Variants in CUEDC1 observed in about 807,000 individuals in gnomAD.
The protein encoded by CUEDC1 is CUE domain containing 1.
CUEDC1 carries 30 observed loss-of-function variants against 43.7 expected under a neutral mutation model. The observed-to-expected ratio is 0.69, with a 90% CI of 0.51 to 0.93. The LOEUF is 0.93. Among genes scored for constraint, CUEDC1 ranks in the 40% least tolerant of loss-of-function variants. The pLI is 0.00. For synonymous variants in CUEDC1, 223 were observed against 223.6 expected (o/e 1.00, Z 0.02); for missense variants, 486 against 549.0 (o/e 0.89, Z 1.15).
intron 1 of CUEDC1, among the ~76,000 whole-genome samples, chr17:57,901,396 G>A (rs2074470524): frequency 6.6e-6 from 1 of 152,170 alleles, no homozygotes; most frequent in Non-Finnish European, 1.5e-5. Context: ...GTTGATTTAA[G>A]GAAACCTGAA....
In CUEDC1 at chr17:57,915,834, C is replaced by A. The variant is rs1291303579; in HGVS notation, c.-315-29955G>T. On this transcript the variant is annotated intron_variant, in intron 1 of 10. Coordinates refer to ENST00000577830, the MANE Select transcript of CUEDC1 (RefSeq NM_001271875.2). The stretch of plus-strand genomic sequence containing the variant: ...AACAAGCTGGGCGGGGAGGAGGGGG[C>A]CTCAGGGGGCTGTTATGATAAGCAA... 4.6e-5 allele frequency among the ~76,000 whole-genome samples: 7 copies of A among 152,082 alleles called. No individual in the cohort carries two copies. In the East Asian group the frequency reaches 5.8e-4, roughly 13 times the overall value.
intron 1 of CUEDC1, among the ~76,000 whole-genome samples, chr17:57,928,102 C>A (rs940953901): frequency 8.5e-5 from 13 of 152,184 alleles, no homozygotes; most frequent in African/African-American, 3.1e-4. Flanking sequence ...AGGTTCTTAG[C>A]GAAGGCTCTG....
chr17:57,939,754 C>T (rs996691048), intron 1 of CUEDC1, among the ~76,000 whole-genome samples: 3 of 152,170 alleles, frequency 2.0e-5, no homozygotes, highest in Admixed American at 6.5e-5. Flanking sequence ...CAGACTCTCT[C>T]CTCAGGAGTT....
intron 1 of CUEDC1, among the ~76,000 whole-genome samples, chr17:57,905,486 G>A (rs1460071993): frequency 3.3e-5 from 5 of 152,216 alleles, no homozygotes; most frequent in Non-Finnish European, 7.3e-5. Context: ...GGCTGGCGGG[G>A]AAGATGGCTC....
chr17:57,897,995 A>G (rs2074431513), intron 1 of CUEDC1, among the ~76,000 whole-genome samples: 1 of 152,244 alleles, frequency 6.6e-6, no homozygotes, highest in Non-Finnish European at 1.5e-5. Context: ...CCTGGGCGAC[A>G]GTGCGAGACT....
chr17:57,915,758 G>A (rs554407702), intron 1 of CUEDC1, among the ~76,000 whole-genome samples: 7 of 152,254 alleles, frequency 4.6e-5, no homozygotes, highest in East Asian at 3.9e-4. Context: ...CTTGAGCTCC[G>A]GCCTGGAACA....
rs924161802 is a variant in CUEDC1, at chr17:57,954,972, G to T, written c.-316+253C>A. ...GATGCCCGCACGCCCCCCGCGCCCG[G>T]GGCCCGGGATGAGGTGGGGGCTCGG... On this transcript the variant is annotated intron_variant, in intron 1 of 10. Coordinates refer to ENST00000577830, the MANE Select transcript of CUEDC1 (RefSeq NM_001271875.2). This position sits in a 1 kb window ranked among gnomAD's most constrained non-coding sequence, Gnocchi z 4.3. Among the ~76,000 whole-genome samples the T allele has an allele frequency of 1.3e-5, 2 of 151,668 alleles. No individual in the cohort carries two copies. Among genetic ancestry groups the T allele is most frequent in the African/African-American group, 4.8e-5 (2 of 41,380 alleles).
chr17:57,879,449 A>T (rs2074172961), intron 3 of CUEDC1, among the ~76,000 whole-genome samples, 162 bp downstream of exon 3: 2 of 152,208 alleles, frequency 1.3e-5, no homozygotes, highest in South Asian at 4.1e-4. Flanking sequence ...ACATTTTGCA[A>T]GTTCTCCTTG....
chr17:57,922,952 T>C (rs1015265584), intron 1 of CUEDC1, among the ~76,000 whole-genome samples: 1 of 151,656 alleles, frequency 6.6e-6, no homozygotes, highest in Non-Finnish European at 1.5e-5. Context: ...CATGGCTCAC[T>C]GCAGCCTTGA....
intron 3 of CUEDC1, 75 bp from the exon 4 acceptor site, chr17:57,873,792 G>T: frequency 7.0e-7 from 1 of 1,418,884 alleles, no homozygotes; most frequent in Non-Finnish European, 9.3e-7. Context: ...ATCACACCAG[G>T]TCCTCAGGCA....
rs145568412 is a variant in CUEDC1, at chr17:57,866,537, G to A, written c.1101C>T (p.Asp367=). The A allele has an allele frequency of 1.2e-6, 2 of 1,614,152 alleles. No individual in the cohort carries two copies. Among genetic ancestry groups the A allele is most frequent in the Non-Finnish European group, 1.7e-6 (2 of 1,180,004 alleles). Residue 367 remains aspartate, a synonymous_variant, in exon 10 of 11, where the codon GAC becomes GAT. Coordinates refer to ENST00000577830, the MANE Select transcript of CUEDC1 (RefSeq NM_001271875.2). Reference sequence around the variant, plus strand: ...GTGCCTCCTGACGCCTGCCCCGGAAGTCTTCATCTGAAAAGGAGAGGGAAG... The same window carrying A: ...GTGCCTCCTGACGCCTGCCCCGGAAATCTTCATCTGAAAAGGAGAGGGAAG... ...DDVEGHACDE[D]FRGRRQEAPK...
chr17:57,942,465 T>C, intron 1 of CUEDC1, among the ~76,000 whole-genome samples: 1 of 152,056 alleles, frequency 6.6e-6, no homozygotes, highest in East Asian at 1.9e-4. Flanking sequence ...CTCAGCTCAC[T>C]GCAACCTCCG....
intron 9 of CUEDC1, 110 bp downstream of exon 9, chr17:57,867,247 T>C (rs1269698216): frequency 9.8e-7 from 1 of 1,016,978 alleles, no homozygotes; most frequent in Non-Finnish European, 1.5e-6. Flanking sequence ...CAACCCTCAG[T>C]GTGTTCCTCC....
chr17:57,867,441 C>G (rs1442532943), intron 8 of CUEDC1, 26 bp from the exon 9 acceptor site: 2 of 1,550,028 alleles, frequency 1.3e-6, no homozygotes, highest in Non-Finnish European at 8.7e-7. Context: ...GGAAAACCGT[C>G]CCAGGGATGA....
intron 1 of CUEDC1, among the ~76,000 whole-genome samples, chr17:57,891,045 G>A (rs932723805): frequency 2.0e-5 from 3 of 152,126 alleles, no homozygotes; most frequent in African/African-American, 4.8e-5. Context: ...ACCTTTTCCC[G>A]GGCTAGACTC....
Position 57,955,338 on chromosome 17 carries a change from C to CGGCGCGGCTGG in CUEDC1, c.-440_-430dup, listed in dbSNP as rs1293548646. The CGGCGCGGCTGG allele has an allele frequency of 1.3e-5, 2 of 149,292 alleles. No individual in the cohort carries two copies. Among genetic ancestry groups the CGGCGCGGCTGG allele is most frequent in the Non-Finnish European group, 3.0e-5 (2 of 67,008 alleles). 9.2% of individuals were successfully genotyped at this position (149,292 alleles called of 1,614,324 possible). On this transcript the variant is annotated 5_prime_UTR_variant, in exon 1 of 11. Transcript: ENST00000577830. This position sits in a 1 kb window ranked among gnomAD's most constrained non-coding sequence, Gnocchi z 5.3. ...GCGGCGGGGCCAGGCTCGGCGGCGG[C>CGGCGCGGCTGG]GGCGCGGCTGGGGCGCGGGGAGGCG...
At chr17:57,904,222 C>A (rs998264426) in intron 1 of CUEDC1, among the ~76,000 whole-genome samples, 1 of 152,138 alleles carries the variant, frequency 6.6e-6, no homozygotes, top group Admixed American at 6.5e-5. Context: ...ATGCAGCTGT[C>A]CTGGCCCCCC....
chr17:57,925,898 G>A (rs560807888), intron 1 of CUEDC1, among the ~76,000 whole-genome samples: 4 of 152,308 alleles, frequency 2.6e-5, no homozygotes, highest in East Asian at 1.9e-4. Flanking sequence ...TCACCTGACC[G>A]CCTGTCCTCT....
At position 57,871,147 on chromosome 17, in the gene CUEDC1, C is replaced by T. The variant is rs115879712; in HGVS notation, c.868+139G>A. ...GGAGATGGGGGCAGAAGCAGCCCCG[C>T]CAGCCTGCTGAGGAGGCCCAGGCCC... is the stretch of plus-strand genomic sequence containing the variant. On this transcript the variant is annotated intron_variant, in intron 6 of 10. Transcript: ENST00000577830. 8,909 of 701,238 alleles carry T rather than the reference C, an allele frequency of 0.013. 553 individuals are homozygous for T. In the African/African-American group the frequency reaches 0.13, roughly 10 times the overall value. The allele number at this position is 701,238 out of a possible 1,614,324, so 43.4% of individuals were successfully genotyped here. A position where few individuals can be genotyped will look rare whatever the true frequency, so the allele number is the denominator to read the frequency against.
Sources: gnomAD v4.1 joint callset for allele counts (sites outside exome capture counted in the v4.1 genomes callset) on GRCh38, gnomAD v4.1.1 for gene constraint, Gnocchi (gnomAD v3.1) non-coding constraint, MANE v1.5 for transcripts, NCBI Gene and HGNC (gene_info 2026-07-23, HGNC 2026-07-21) for gene names.